The following NFYC variants were observed in gnomAD, a reference collection of about 807,000 sequenced individuals.
NFYC encodes nuclear transcription factor Y subunit gamma, also known as CAAT box DNA-binding protein subunit C.
NFYC carries 25 observed loss-of-function variants against 53.1 expected under a neutral mutation model. The observed-to-expected ratio is 0.47, with a 90% confidence interval of 0.34 to 0.66. The LOEUF is 0.66. Among genes scored for constraint, NFYC ranks in the 30% least tolerant of loss-of-function variants. NFYC has a pLI of 0.01. For synonymous variants in NFYC, 145 were observed against 152.6 expected, an observed-to-expected ratio of 0.95 and a Z score of 0.37; for missense variants, 260 against 422.7, an observed-to-expected ratio of 0.62 and a Z score of 3.38.
chr1:40,744,845 A>G (rs1303045798), intron 2 of NFYC, among the ~76,000 whole-genome samples: 2 of 152,192 alleles, frequency 1.3e-5, no homozygotes, highest in Non-Finnish European at 2.9e-5. Flanking sequence ...GCCTCAATCT[A>G]CTGATTGTAG....
chr1:40,718,961 T>C (rs1451270733), intron 1 of NFYC, among the ~76,000 whole-genome samples: 2 of 152,212 alleles, frequency 1.3e-5, no homozygotes, highest in Non-Finnish European at 2.9e-5. Flanking sequence ...AACCTCTGCC[T>C]CCCAGGTTCA....
intron 3 of NFYC, 124 bp downstream of exon 3, chr1:40,747,729 T>C: frequency 1.5e-6 from 1 of 685,454 alleles, no homozygotes; most frequent in Non-Finnish European, 2.4e-6. Context: ...TCTGTTGCTT[T>C]GTTATTTGGT....
chr1:40,705,426 A>G (rs957173898), intron 1 of NFYC, among the ~76,000 whole-genome samples: 2 of 152,174 alleles, frequency 1.3e-5, no homozygotes, highest in Non-Finnish European at 1.5e-5. Context: ...GGGAGTAGCT[A>G]TTCAGAATCT....
intron 8 of NFYC, chr1:40,766,958 T>C: frequency 6.4e-7 from 1 of 1,552,138 alleles, no homozygotes; most frequent in Non-Finnish European, 8.7e-7. Context: ...CGAAGGTGCC[T>C]GAAAGAAACC....
chr1:40,693,778 T>G (rs958448295), intron 1 of NFYC, among the ~76,000 whole-genome samples: 4 of 152,218 alleles, frequency 2.6e-5, no homozygotes, highest in Non-Finnish European at 5.9e-5. Context: ...CTAATGAAAC[T>G]TCCAGATAAT....
intron 1 of NFYC, chr1:40,735,878 T>A: frequency 2.5e-6 from 1 of 399,222 alleles, no homozygotes; most frequent in Non-Finnish European, 3.4e-6. Context: ...AGAAAACTAT[T>A]AATAATGATA....
At position 40,720,833 on chromosome 1, in the gene NFYC, C is replaced by T. The variant is rs148840198; in HGVS notation, c.-8-18003C>T. Among the ~76,000 whole-genome samples the T allele has an allele frequency of 5.4e-4, 82 of 152,306 alleles. 1 individual carries two copies. The highest frequency in any genetic ancestry group is 1.9e-3 in the African/African-American group (78 of 41,558). The stretch of plus-strand genomic sequence containing the variant: ...TCAGTGAGCCATGATTACGCCACTG[C>T]ACTCCAGCGTGGGCAACAGAGCAAG... On this transcript the variant is annotated intron_variant, in intron 1 of 9. Coordinates refer to ENST00000447388, the MANE Select transcript of NFYC (RefSeq NM_014223.5).
intron 1 of NFYC, among the ~76,000 whole-genome samples, chr1:40,714,429 A>G (rs1051547202): frequency 2.6e-5 from 4 of 152,214 alleles, no homozygotes; most frequent in African/African-American, 9.6e-5. Flanking sequence ...ATACTTTAAC[A>G]TTTTTAATTT....
intron 2 of NFYC, among the ~76,000 whole-genome samples, chr1:40,741,411 T>C (rs559395595): frequency 7.2e-4 from 110 of 152,320 alleles, no homozygotes; most frequent in African/African-American, 2.2e-3. Context: ...TTAACTATGA[T>C]GTTTGATAGG....
chr1:40,765,599 G>A (rs1346665765), intron 7 of NFYC, among the ~76,000 whole-genome samples: 2 of 152,158 alleles, frequency 1.3e-5, no homozygotes, highest in African/African-American at 4.8e-5. Flanking sequence ...AAGGCAGGCT[G>A]GGCAGCCAGG....
chr1:40,744,748 C>G (rs554365014), intron 2 of NFYC, among the ~76,000 whole-genome samples: 41 of 152,278 alleles, frequency 2.7e-4, no homozygotes, highest in African/African-American at 9.2e-4. Flanking sequence ...GAATCAGTAT[C>G]AGGAGAAGGA....
chr1:40,724,292 C>T (rs978086821), intron 1 of NFYC, among the ~76,000 whole-genome samples: 14 of 152,142 alleles, frequency 9.2e-5, no homozygotes, highest in Admixed American at 5.9e-4. Context: ...CGCTTGAACC[C>T]GGGAGGTGGA....
chr1:40,722,598 G>A (rs1161791868), intron 1 of NFYC, among the ~76,000 whole-genome samples: 1 of 152,214 alleles, frequency 6.6e-6, no homozygotes, highest in Non-Finnish European at 1.5e-5. Context: ...ATGATGATAT[G>A]ATGCCATCTG....
intron 3 of NFYC, among the ~76,000 whole-genome samples, chr1:40,748,279 G>A (rs1482846912): frequency 6.6e-6 from 1 of 151,896 alleles, no homozygotes; most frequent in Non-Finnish European, 1.5e-5. Flanking sequence ...CTACAGGCAC[G>A]TGCCATCATG....
At chr1:40,763,594 G>A (rs191964699) in intron 7 of NFYC, 27 of 347,048 alleles carry the variant, frequency 7.8e-5, no homozygotes, top group East Asian at 6.2e-4. Flanking sequence ...TGATCCGCCC[G>A]CCTCGGCCTC....
At chr1:40,742,285 T>C (rs1005815838) in intron 2 of NFYC, among the ~76,000 whole-genome samples, 10 of 152,154 alleles carry the variant, frequency 6.6e-5, no homozygotes, top group African/African-American at 2.4e-4. Context: ...TCCGTTCATC[T>C]GTTAATGGAC....
chr1:40,700,676 T>C (rs1643389739), intron 1 of NFYC, among the ~76,000 whole-genome samples: 1 of 152,216 alleles, frequency 6.6e-6, no homozygotes, highest in African/African-American at 2.4e-5. Context: ...GGAGTCTCAC[T>C]CTATGAGGTT....
At position 40,752,459 on chromosome 1, in the gene NFYC, A is replaced by C. The variant is rs182464354; in HGVS notation, c.292-692A>C. 4.6e-5 allele frequency among the ~76,000 whole-genome samples: 7 copies of C among 152,254 alleles called. No homozygotes were observed. In the East Asian group the frequency reaches 1.4e-3, roughly 29 times the overall value. On this transcript the variant is annotated intron_variant, in intron 4 of 9. Coordinates refer to ENST00000447388, the MANE Select transcript of NFYC (RefSeq NM_014223.5). ...CAAAGAAAGGAAGTATCACACTTGGAGAGAAACCCCCATTAGAGCAGGTCT... is the reference window on the plus strand; with the variant it reads ...CAAAGAAAGGAAGTATCACACTTGGCGAGAAACCCCCATTAGAGCAGGTCT...
chr1:40,720,173 A>T (rs1392442270), intron 1 of NFYC, among the ~76,000 whole-genome samples: 2 of 152,176 alleles, frequency 1.3e-5, no homozygotes, highest in Non-Finnish European at 2.9e-5. Context: ...AAACATTTAA[A>T]TCAATAAAAG....
Sources: gnomAD v4.1 joint callset for allele counts (sites outside exome capture counted in the v4.1 genomes callset) on GRCh38, gnomAD v4.1.1 for gene constraint, MANE v1.5 for transcripts, NCBI Gene and HGNC (gene_info 2026-07-23, HGNC 2026-07-21) for gene names.